The following PRSS38 variants were observed in gnomAD, a reference collection of about 807,000 sequenced individuals.
The protein encoded by PRSS38 is marapsin 2.
In PRSS38, 22 loss-of-function variants were observed where a neutral mutation model predicts 26.8. That is an observed-to-expected ratio of 0.82 (90% CI 0.59 to 1.17). The LOEUF (loss-of-function observed/expected upper bound fraction) is 1.17, where lower values mean the gene tolerates loss of function less well. PRSS38 is among the 50% of genes most tolerant of loss of function. The pLI, the probability that PRSS38 is intolerant of heterozygous loss-of-function variation, is 0.00. For missense variants in PRSS38, 427 were observed against 422.7 expected, an observed-to-expected ratio of 1.01 and a Z score of -0.09; for synonymous variants, 175 against 172.1, an observed-to-expected ratio of 1.02 and a Z score of -0.13.
chr1:227,818,675 CAAAAAAAAA>C (rs71180764), intron 3 of PRSS38, among the ~76,000 whole-genome samples: 2 of 61,070 alleles, frequency 3.3e-5, no homozygotes, highest in South Asian at 7.2e-4. Context: ...GACCTTCTCT[CAAAAAAAAA>C]AAAAAAAAAA....
At chr1:227,839,990 A>G (rs1665294626) in intron 3 of PRSS38, among the ~76,000 whole-genome samples, 1 of 152,148 alleles carries the variant, frequency 6.6e-6, no homozygotes, top group South Asian at 2.1e-4. Context: ...TTGCGAACAG[A>G]AACAGTTTAA....
chr1:227,845,407 C>G, intron 3 of PRSS38, 63 bp from the exon 4 acceptor site: 1 of 1,175,314 alleles, frequency 8.5e-7, no homozygotes, highest in South Asian at 1.3e-5. Flanking sequence ...CACTGTGGGG[C>G]AGGGATCCCC....
chr1:227,822,574 T>A (rs1033275955), intron 3 of PRSS38, among the ~76,000 whole-genome samples: 1 of 152,236 alleles, frequency 6.6e-6, no homozygotes, highest in African/African-American at 2.4e-5. Flanking sequence ...TGTTTAATGA[T>A]TTTCCCAAAC....
exon 5 of PRSS38, chr1:227,846,063 C>T (rs373544174): frequency 8.7e-6 from 14 of 1,614,240 alleles, no homozygotes; most frequent in Non-Finnish European, 1.2e-5. Flanking sequence ...GGAGTGTATG[C>T]CAGTGTTTCC....
At chr1:227,819,958 A>G (rs545580188) in intron 3 of PRSS38, among the ~76,000 whole-genome samples, 1 of 152,120 alleles carries the variant, frequency 6.6e-6, no homozygotes, top group Non-Finnish European at 1.5e-5. Context: ...GTGTGGTGGC[A>G]CTTGCCTGTA....
intron 3 of PRSS38, among the ~76,000 whole-genome samples, chr1:227,843,164 T>C (rs898103147): frequency 4.6e-5 from 7 of 152,184 alleles, no homozygotes; most frequent in African/African-American, 1.7e-4. Flanking sequence ...CCATACATAA[T>C]GTAGCACAGG....
chr1:227,831,087 TG>T (rs993418659), intron 3 of PRSS38, among the ~76,000 whole-genome samples: 3 of 152,128 alleles, frequency 2.0e-5, no homozygotes, highest in African/African-American at 7.2e-5. Flanking sequence ...TGAATTTAAT[TG>T]TTCTTTTTCT....
At position 227,816,647 on chromosome 1, in the gene PRSS38, G is replaced by A. The variant is rs7529127; in HGVS notation, c.311+395G>A. Among the ~76,000 whole-genome samples the A allele has an allele frequency of 2.9e-3, 437 of 152,074 alleles. 4 individuals are homozygous for A. The highest frequency in any genetic ancestry group is 1.0e-2 in the African/African-American group (414 of 41,476). On this transcript the variant is annotated intron_variant, in intron 2 of 4. Coordinates refer to ENST00000366757, the Ensembl canonical transcript of PRSS38. The surrounding 1 kb of genome is among the most constrained non-coding windows in gnomAD (Gnocchi z 5.1). Reference sequence around the variant, plus strand: ...CGACCAGGTCCCCACGAGTGAGGCTGGTCCTCAAGGGCACAGCCAGATTCC... The same window carrying A: ...CGACCAGGTCCCCACGAGTGAGGCTAGTCCTCAAGGGCACAGCCAGATTCC...
chr1:227,831,087 T>C (rs897774673), intron 3 of PRSS38, among the ~76,000 whole-genome samples: 1 of 152,128 alleles, frequency 6.6e-6, no homozygotes, highest in African/African-American at 2.4e-5. Context: ...TGAATTTAAT[T>C]GTTCTTTTTC....
At chr1:227,834,675 A>C (rs1665213353) in intron 3 of PRSS38, among the ~76,000 whole-genome samples, 1 of 151,740 alleles carries the variant, frequency 6.6e-6, no homozygotes, top group South Asian at 2.1e-4. Context: ...TTTCAAAAAA[A>C]AAAAATTAGC....
intron 3 of PRSS38, among the ~76,000 whole-genome samples, chr1:227,845,212 GGCTCCTCCCTATGTGTGGTGGA>G (rs1344361365): frequency 6.8e-5 from 10 of 147,432 alleles, no homozygotes; most frequent in South Asian, 6.5e-4. Flanking sequence ...TGTGTGGTGG[GGCTCCTCCCTATGTGTGGTGGA>G]GCTCCTCCCT....
rs762029501 is a variant in PRSS38, at chr1:227,845,466, A to G, written c.584-4A>G. 1.2e-6 allele frequency: 2 copies of G among 1,608,098 alleles called. No individual in the cohort carries two copies. Among genetic ancestry groups the G allele is most frequent in the East Asian group, 4.5e-5 (2 of 44,822 alleles). On this transcript the variant is annotated splice_region_variant and splice_polypyrimidine_tract_variant and intron_variant, in intron 3 of 4. Coordinates refer to ENST00000366757, the Ensembl canonical transcript of PRSS38. ...GCCCCCTCACGGGAGCCCTCCTCCC[A>G]CAGGTGAGACCTCAGACGAGCTGCA... is the stretch of plus-strand genomic sequence containing the variant.
At chr1:227,832,470 A>T (rs1210668094) in intron 3 of PRSS38, among the ~76,000 whole-genome samples, 1 of 152,184 alleles carries the variant, frequency 6.6e-6, no homozygotes, top group Non-Finnish European at 1.5e-5. Flanking sequence ...ATTTCAAAAG[A>T]TGTTTTCTAA....
At chr1:227,832,837 C>T (rs1157478276) in intron 3 of PRSS38, among the ~76,000 whole-genome samples, 3 of 152,282 alleles carry the variant, frequency 2.0e-5, no homozygotes, top group South Asian at 2.1e-4. Context: ...AGCCAAGTGG[C>T]AGGATGCAAA....
intron 3 of PRSS38, among the ~76,000 whole-genome samples, chr1:227,832,878 A>G (rs1047781638): frequency 1.3e-5 from 2 of 152,244 alleles, no homozygotes; most frequent in African/African-American, 4.8e-5. Flanking sequence ...TTGTGCTTCT[A>G]TACAACCTCA....
At chr1:227,817,160 G>C (rs370077317) in intron 2 of PRSS38, 49 bp from the exon 3 acceptor site, 5 of 1,581,708 alleles carry the variant, frequency 3.2e-6, no homozygotes, top group Non-Finnish European at 3.4e-6. Flanking sequence ...CCTGTGGGCT[G>C]ACCACACAGG....
exon 5 of PRSS38, chr1:227,846,297 C>T (rs552950535): frequency 2.0e-4 from 307 of 1,522,706 alleles, no homozygotes; most frequent in Admixed American, 8.0e-4. Context: ...CCTGTCCTGG[C>T]CTCTCTGAAG....
In PRSS38 at chr1:227,816,312, C is replaced by A. The variant is rs868864239; in HGVS notation, c.311+60C>A. 7.8e-6 allele frequency: 12 copies of A among 1,534,216 alleles called. No individual in the cohort carries two copies. The highest frequency in any genetic ancestry group is 1.1e-5 in the Non-Finnish European group (12 of 1,125,106). On this transcript the variant is annotated intron_variant, in intron 2 of 4. Coordinates refer to ENST00000366757, the Ensembl canonical transcript of PRSS38. The surrounding 1 kb of genome is among the most constrained non-coding windows in gnomAD (Gnocchi z 5.1). ...CTGGGCCTGCACGGAGTGCCCACAG[C>A]GGCTTGGATGGACCCCACGCAAGCC...
chr1:227,833,514 C>A (rs552499952), intron 3 of PRSS38, among the ~76,000 whole-genome samples: 1 of 118,976 alleles, frequency 8.4e-6, no homozygotes, highest in Non-Finnish European at 1.8e-5. Flanking sequence ...GCAACAAGAG[C>A]GAGACTCCAT....
Sources: allele counts gnomAD v4.1 joint callset (sites outside exome capture counted in the v4.1 genomes callset), GRCh38; gene constraint gnomAD v4.1.1; non-coding constraint Gnocchi (gnomAD v3.1); transcripts MANE v1.5; gene names NCBI Gene and HGNC (gene_info 2026-07-23, HGNC 2026-07-21).